WSCD2: variants seen among roughly 807,000 people sequenced by gnomAD.
WSCD2 encodes the protein sialate:O-sulfotransferase 2.
In WSCD2, 28 loss-of-function variants were observed where a neutral mutation model predicts 55.7. That is an observed-to-expected ratio of 0.50 (90% CI 0.37 to 0.69). The LOEUF (loss-of-function observed/expected upper bound fraction) is 0.69. Ranked by LOEUF, WSCD2 falls within the 30% of genes least tolerant of loss-of-function variation. The probability of loss-of-function intolerance (pLI) is 0.00; values close to 1 mark genes in which losing one functional copy is unlikely to be tolerated. For synonymous variants in WSCD2, 301 were observed against 301.9 expected, an observed-to-expected ratio of 1.00 and a Z score of 0.03; for missense variants, 616 against 762.1, an observed-to-expected ratio of 0.81 and a Z score of 2.26.
chr12:108,236,013 C>G (rs772230659), intron 7 of WSCD2, among the ~76,000 whole-genome samples: 12 of 152,216 alleles, frequency 7.9e-5, no homozygotes, highest in Non-Finnish European at 1.6e-4. Flanking sequence ...GCATTTGCCA[C>G]ACTGGGGCAA....
chr12:108,223,556 A>T (rs1887757113), intron 4 of WSCD2, among the ~76,000 whole-genome samples: 1 of 151,948 alleles, frequency 6.6e-6, no homozygotes, highest in Non-Finnish European at 1.5e-5. Context: ...CTACTCCTTC[A>T]CTTGTTAATT....
intron 1 of WSCD2, among the ~76,000 whole-genome samples, chr12:108,130,833 C>G (rs1374810485): frequency 6.6e-6 from 1 of 152,100 alleles, no homozygotes; most frequent in African/African-American, 2.4e-5. Flanking sequence ...TTCTCATCCC[C>G]ACACTCTAGG....
At chr12:108,224,666 T>C (rs1367029699) in intron 4 of WSCD2, 73 bp from the exon 5 acceptor site, 50 of 1,549,310 alleles carry the variant, frequency 3.2e-5, no homozygotes, top group Non-Finnish European at 4.1e-5. Flanking sequence ...TGAGCTTTCT[T>C]CAGAATGTGG....
At chr12:108,147,858 GAA>G (rs34940032) in intron 1 of WSCD2, among the ~76,000 whole-genome samples, 6 of 134,500 alleles carry the variant, frequency 4.5e-5, no homozygotes, top group African/African-American at 1.4e-4. Flanking sequence ...CCCTGTCTCA[GAA>G]AAAAAAAAAA....
intron 1 of WSCD2, among the ~76,000 whole-genome samples, chr12:108,163,121 G>C (rs570564328): frequency 3.2e-4 from 48 of 152,296 alleles, no homozygotes; most frequent in African/African-American, 9.6e-4. Context: ...TTTGAATCCA[G>C]ATGGGTCTGA....
At chr12:108,166,761 T>TTTTTC (rs1555225181) in intron 1 of WSCD2, among the ~76,000 whole-genome samples, 1 of 124,820 alleles carries the variant, frequency 8.0e-6, no homozygotes, top group African/African-American at 3.1e-5. Context: ...TCTTTCTTTC[T>TTTTTC]TTTCTTTCTT....
rs1875238809 is a variant in WSCD2, at chr12:108,129,383, C to A, written c.-1095C>A. On this transcript the variant is annotated 5_prime_UTR_variant, in exon 1 of 9. Coordinates refer to ENST00000547525, the MANE Select transcript of WSCD2 (RefSeq NM_014653.4). ...GCGAGCAAGGCAGCCAAGGAGGCAG[C>A]GGCGAGGCAGCGAGAGAGAGCCAGG... 6.6e-6 allele frequency: 1 copy of A among 151,794 alleles called. No individual in the cohort carries two copies. The allele number at this position is 151,794 out of a possible 1,614,324, so 9.4% of individuals were successfully genotyped here.
chr12:108,239,502 G>T (rs1371271010), intron 7 of WSCD2, among the ~76,000 whole-genome samples: 2 of 152,150 alleles, frequency 1.3e-5, no homozygotes, highest in African/African-American at 4.8e-5. Flanking sequence ...CTTTCATGGT[G>T]ATAGCAGAGC....
chr12:108,249,509 A>G lies in WSCD2; in HGVS notation c.*1166A>G, dbSNP rs1890311735. On this transcript the variant is annotated 3_prime_UTR_variant, in exon 9 of 9. Coordinates refer to ENST00000547525, the MANE Select transcript of WSCD2 (RefSeq NM_014653.4). ...AAATCACGGAGCATCAATCTTACAA[A>G]GTGTTGGTCCAGAGTCCCATCTCTT... 6.6e-6 allele frequency: 1 copy of G among 152,600 alleles called. No homozygotes were observed. The highest frequency in any genetic ancestry group is 6.5e-5 in the Admixed American group (1 of 15,274). The allele number at this position is 152,600 out of a possible 1,614,324, so 9.5% of individuals were successfully genotyped here.
rs372547422 is a variant in WSCD2 at position 108,236,642 on chromosome 12, T to C, written c.1145-3702T>C. Among the ~76,000 whole-genome samples, 5 of 152,074 alleles carry C rather than the reference T, an allele frequency of 3.3e-5. No homozygotes were observed. The South Asian group carries it at 8.3e-4, about 25-fold the overall frequency. The stretch of plus-strand genomic sequence containing the variant: ...TCTGCATGTCTACCTCTGCCCAGTA[T>C]GTGCCTCTGCCTCTCTGTGCTTCTC... On this transcript the variant is annotated intron_variant, in intron 7 of 8. Transcript: ENST00000547525.
At chr12:108,159,514 A>T (rs1378967725) in intron 1 of WSCD2, among the ~76,000 whole-genome samples, 1 of 152,214 alleles carries the variant, frequency 6.6e-6, no homozygotes, top group Non-Finnish European at 1.5e-5. Context: ...GTGGAGGGTA[A>T]GACTCTTGTC....
intron 3 of WSCD2, 21 bp downstream of exon 3, chr12:108,206,424 A>G (rs1057088456): frequency 2.2e-5 from 36 of 1,610,384 alleles, no homozygotes; most frequent in Middle Eastern, 1.6e-4. Context: ...AGCATCCCAG[A>G]CTTGTCCATT....
intron 1 of WSCD2, among the ~76,000 whole-genome samples, chr12:108,187,607 T>C (rs1882667534): frequency 6.6e-6 from 1 of 152,222 alleles, no homozygotes; most frequent in African/African-American, 2.4e-5. Flanking sequence ...TATAGGGTTG[T>C]TGTAAGGATT....
At chr12:108,167,073 A>T (rs1879744681) in intron 1 of WSCD2, among the ~76,000 whole-genome samples, 1 of 151,716 alleles carries the variant, frequency 6.6e-6, no homozygotes, top group Admixed American at 6.6e-5. Flanking sequence ...CGGCCTCCCA[A>T]AGTGCTGGGA....
chr12:108,229,377 G>A (rs1888491632), intron 6 of WSCD2, among the ~76,000 whole-genome samples: 2 of 152,266 alleles, frequency 1.3e-5, no homozygotes, highest in Admixed American at 6.5e-5. Flanking sequence ...ACTTGGCACA[G>A]GGAGGTTGAG....
rs1886066358 is a variant in WSCD2, at chr12:108,210,920, T to C, written c.682+615T>C. Among the ~76,000 whole-genome samples, 2 of 152,182 alleles carry C rather than the reference T, an allele frequency of 1.3e-5. No individual in the cohort carries two copies. Among genetic ancestry groups the C allele is most frequent in the Non-Finnish European group, 2.9e-5 (2 of 68,030 alleles). On this transcript the variant is annotated intron_variant, in intron 4 of 8. Coordinates refer to ENST00000547525, the MANE Select transcript of WSCD2 (RefSeq NM_014653.4). This position sits in a 1 kb window ranked among gnomAD's most constrained non-coding sequence, Gnocchi z 4.3. ...AGTCTTGTTGGAAAATCTCTCTGAT[T>C]TCCAAACCAACAGAAGGAGGGAGTG...
At chr12:108,153,490 A>G (rs1878220319) in intron 1 of WSCD2, among the ~76,000 whole-genome samples, 1 of 152,126 alleles carries the variant, frequency 6.6e-6, no homozygotes, top group Non-Finnish European at 1.5e-5. Flanking sequence ...ATCAGTGGGG[A>G]TGCTGGTAAG....
intron 3 of WSCD2, 138 bp from the exon 4 acceptor site, chr12:108,209,983 C>T (rs1885914048): frequency 8.3e-7 from 1 of 1,209,932 alleles, no homozygotes; most frequent in African/African-American, 1.5e-5. Context: ...GCCCCAACCT[C>T]CCATCAGCAG....
intron 1 of WSCD2, among the ~76,000 whole-genome samples, chr12:108,174,244 C>T (rs984966351): frequency 2.0e-5 from 3 of 152,188 alleles, no homozygotes; most frequent in South Asian, 2.1e-4. Flanking sequence ...TCCCTCCCCA[C>T]ATATGTAGGC....
Sources: allele counts gnomAD v4.1 joint callset (sites outside exome capture counted in the v4.1 genomes callset), GRCh38; gene constraint gnomAD v4.1.1; non-coding constraint Gnocchi (gnomAD v3.1); transcripts MANE v1.5; gene names NCBI Gene and HGNC (gene_info 2026-07-23, HGNC 2026-07-21).